The following WDR70 variants were observed in gnomAD, a reference collection of about 807,000 sequenced individuals.
WDR70 encodes the protein WD repeat-containing protein 70.
A neutral mutation model predicts 88.6 loss-of-function variants in WDR70; 53 were observed. That is an observed-to-expected ratio of 0.60 (90% confidence interval 0.48 to 0.75). The LOEUF is 0.75. Ranked by LOEUF, WDR70 falls within the 30% of genes least tolerant of loss-of-function variation. The pLI is 0.00. For synonymous variants in WDR70, 280 were observed against 270.0 expected (o/e 1.04, Z -0.36); for missense variants, 610 against 823.2 (o/e 0.74, Z 3.17).
At chr5:37,470,839 G>T (rs896433944) in intron 7 of WDR70, among the ~76,000 whole-genome samples, 1 of 151,896 alleles carries the variant, frequency 6.6e-6, no homozygotes, top group East Asian at 1.9e-4. Flanking sequence ...ATACTTGGTA[G>T]TGGAATTGCT....
chr5:37,387,598 G>T (rs13183963), intron 3 of WDR70, among the ~76,000 whole-genome samples: 26,209 of 151,038 alleles, frequency 0.17, 2,665 homozygotes, highest in Middle Eastern at 0.3. Context: ...ATACCATTGG[G>T]ATAATTTATA....
chr5:37,559,273 C>A (rs1035688195), intron 9 of WDR70, among the ~76,000 whole-genome samples: 2 of 152,122 alleles, frequency 1.3e-5, no homozygotes, highest in African/African-American at 4.8e-5. Context: ...CATCACTAAG[C>A]AAGATGTATT....
intron 9 of WDR70, among the ~76,000 whole-genome samples, chr5:37,563,772 A>T (rs1299836584): frequency 1.8e-5 from 2 of 111,554 alleles, no homozygotes; most frequent in Admixed American, 1.8e-4. Flanking sequence ...TCCCAGACGG[A>T]GTGGCTGCCG....
chr5:37,562,538 A>C (rs1742542355), intron 9 of WDR70, among the ~76,000 whole-genome samples: 1 of 152,000 alleles, frequency 6.6e-6, no homozygotes, highest in African/African-American at 2.4e-5. Context: ...GAAGGTCAGC[A>C]GATAAGTGAA....
intron 10 of WDR70, among the ~76,000 whole-genome samples, chr5:37,675,258 T>C (rs1351298025): frequency 2.0e-5 from 3 of 152,168 alleles, no homozygotes; most frequent in Non-Finnish European, 4.4e-5. Flanking sequence ...TTTGTCAATT[T>C]TTGCTTTTGT....
At chr5:37,402,937 TCCCTCCG>T (rs1235914606) in intron 5 of WDR70, among the ~76,000 whole-genome samples, 6 of 103,682 alleles carry the variant, frequency 5.8e-5, no homozygotes, top group African/African-American at 1.8e-4. Context: ...CTTCCCTCCC[TCCCTCCG>T]TTTTTTTTTT....
intron 5 of WDR70, among the ~76,000 whole-genome samples, chr5:37,416,682 C>A (rs1356591329): frequency 7.3e-5 from 11 of 151,364 alleles, no homozygotes; most frequent in Non-Finnish European, 1.6e-4. Context: ...CAGGCTCAAG[C>A]GATTTTCGTG....
At chr5:37,478,678 A>G (rs1302885931) in intron 7 of WDR70, among the ~76,000 whole-genome samples, 1 of 152,234 alleles carries the variant, frequency 6.6e-6, no homozygotes, top group Non-Finnish European at 1.5e-5. Flanking sequence ...GAGATATTTC[A>G]GGAATGGACT....
intron 10 of WDR70, among the ~76,000 whole-genome samples, chr5:37,657,533 G>A (rs550368851): frequency 6.6e-6 from 1 of 152,316 alleles, no homozygotes; most frequent in South Asian, 2.1e-4. Flanking sequence ...GGTAATGAGA[G>A]GGTCTTTTAT....
chr5:37,467,297 T>A (rs1392548119), intron 7 of WDR70, among the ~76,000 whole-genome samples: 1 of 151,434 alleles, frequency 6.6e-6, no homozygotes, highest in Non-Finnish European at 1.5e-5. Context: ...AAGTGCAAGA[T>A]CAAAGTGTTG....
rs867589691 is a variant in WDR70, at chr5:37,669,145, G to C, written c.1093-28510G>C. ...TTGCAAATTATTTCAAGAAAATTCT[G>C]TATTTTCTTTTTATTTATATATCTC... On this transcript the variant is annotated intron_variant, in intron 10 of 17. Coordinates refer to ENST00000265107, the MANE Select transcript of WDR70 (RefSeq NM_018034.4). Among the ~76,000 whole-genome samples the C allele has an allele frequency of 2.6e-5, 4 of 152,188 alleles. 1 individual carries two copies. The South Asian group carries it at 8.3e-4, about 32-fold the overall frequency.
chr5:37,504,498 A>G (rs1740499451), intron 8 of WDR70, among the ~76,000 whole-genome samples: 1 of 152,248 alleles, frequency 6.6e-6, no homozygotes, highest in African/African-American at 2.4e-5. Flanking sequence ...TGAATAACAT[A>G]TTCTCTAATT....
chr5:37,592,843 G>T (rs1313449714), intron 9 of WDR70, among the ~76,000 whole-genome samples: 1 of 152,192 alleles, frequency 6.6e-6, no homozygotes, highest in Admixed American at 6.5e-5. Context: ...CTATTAAAGA[G>T]ACCACATAAT....
intron 8 of WDR70, among the ~76,000 whole-genome samples, chr5:37,503,004 C>T (rs1022838510): frequency 5.9e-5 from 9 of 152,150 alleles, no homozygotes; most frequent in African/African-American, 2.2e-4. Context: ...CAAACTATAT[C>T]ACATATATTG....
chr5:37,688,165 GT>G (rs886463009), intron 10 of WDR70, among the ~76,000 whole-genome samples: 1 of 152,160 alleles, frequency 6.6e-6, no homozygotes, highest in Non-Finnish European at 1.5e-5. Context: ...GCATTTGCCT[GT>G]TTTGCCTTTT....
intron 9 of WDR70, among the ~76,000 whole-genome samples, chr5:37,548,082 A>G (rs1398174193): frequency 6.6e-6 from 1 of 152,114 alleles, no homozygotes; most frequent in East Asian, 1.9e-4. Context: ...AATTTTGGTT[A>G]TTGTGAACAG....
At chr5:37,494,383 C>A (rs189901138) in intron 8 of WDR70, among the ~76,000 whole-genome samples, 7 of 152,230 alleles carry the variant, frequency 4.6e-5, no homozygotes, top group Admixed American at 1.3e-4. Flanking sequence ...TAGAAACAAT[C>A]ATTCTGCGTG....
chr5:37,694,718 G>A (rs1746927802), intron 10 of WDR70, among the ~76,000 whole-genome samples: 1 of 151,906 alleles, frequency 6.6e-6, no homozygotes, highest in Non-Finnish European at 1.5e-5. Context: ...CTGGGGGAGG[G>A]ATAGCATTAG....
At chr5:37,668,018 G>T (rs1218383197) in intron 10 of WDR70, among the ~76,000 whole-genome samples, 1 of 151,938 alleles carries the variant, frequency 6.6e-6, no homozygotes, top group Non-Finnish European at 1.5e-5. Flanking sequence ...CTCTAGTTTC[G>T]CAGGCTTACT....
Sources: allele counts gnomAD v4.1 joint callset (sites outside exome capture counted in the v4.1 genomes callset), GRCh38; gene constraint gnomAD v4.1.1; transcripts MANE v1.5; gene names NCBI Gene and HGNC (gene_info 2026-07-23, HGNC 2026-07-21).